LMBRD1: variants seen among roughly 807,000 people sequenced by gnomAD.
LMBRD1 encodes LMBR1 domain containing 1.
LMBRD1 carries 64 observed loss-of-function variants against 74.8 expected under a neutral mutation model. The observed-to-expected ratio is 0.86, with a 90% CI of 0.70 to 1.05. LMBRD1 has a LOEUF of 1.05. LMBRD1 is among the 50% of genes least tolerant of loss of function. The probability of loss-of-function intolerance (pLI) is 0.00; values close to 1 mark genes in which losing one functional copy is unlikely to be tolerated. For missense variants in LMBRD1, 652 were observed against 645.9 expected (o/e 1.01, Z -0.10); for synonymous variants, 204 against 216.3 (o/e 0.94, Z 0.50).
chr6:69,771,233 T>C (rs556030286), intron 3 of LMBRD1, among the ~76,000 whole-genome samples: 18 of 152,324 alleles, frequency 1.2e-4, no homozygotes, highest in Admixed American at 9.8e-4. Context: ...ATCCCAAGGC[T>C]TGACTGGGGA....
intron 3 of LMBRD1, among the ~76,000 whole-genome samples, chr6:69,753,331 T>C (rs1360434510): frequency 6.6e-6 from 1 of 152,198 alleles, no homozygotes; most frequent in African/African-American, 2.4e-5. Flanking sequence ...TATAATTATA[T>C]AAAGCAATTA....
At chr6:69,693,508 T>C (rs916702490) in intron 14 of LMBRD1, among the ~76,000 whole-genome samples, 1 of 152,060 alleles carries the variant, frequency 6.6e-6, no homozygotes, top group African/African-American at 2.4e-5. Context: ...GAGATTAACT[T>C]TTCTCAGAAA....
intron 14 of LMBRD1, among the ~76,000 whole-genome samples, chr6:69,689,822 A>C (rs953018349): frequency 2.0e-5 from 3 of 152,102 alleles, no homozygotes; most frequent in African/African-American, 7.2e-5. Flanking sequence ...TGAATTGTTA[A>C]AATTAAATCT....
At chr6:69,740,945 C>G (rs979550398) in intron 6 of LMBRD1, among the ~76,000 whole-genome samples, 9 of 151,832 alleles carry the variant, frequency 5.9e-5, no homozygotes, top group African/African-American at 2.2e-4. Context: ...AAACCTAGGT[C>G]ACACAGAGTA....
At chr6:69,724,907 A>T (rs1044218939) in intron 7 of LMBRD1, among the ~76,000 whole-genome samples, 1 of 152,074 alleles carries the variant, frequency 6.6e-6, no homozygotes, top group Non-Finnish European at 1.5e-5. Context: ...ATAAACTGGA[A>T]AGGAAAAAGT....
intron 14 of LMBRD1, among the ~76,000 whole-genome samples, chr6:69,683,392 T>A (rs572073223): frequency 6.6e-6 from 1 of 152,218 alleles, no homozygotes; most frequent in East Asian, 1.9e-4. Context: ...GTTTATTTAA[T>A]AGTTAAACTT....
At chr6:69,751,571 G>C (rs1283510156) in intron 4 of LMBRD1, among the ~76,000 whole-genome samples, 1 of 152,054 alleles carries the variant, frequency 6.6e-6, no homozygotes, top group African/African-American at 2.4e-5. Context: ...CAGGTGATCC[G>C]CCCGCCTCGG....
chr6:69,782,101 A>T (rs1301095801), intron 2 of LMBRD1, among the ~76,000 whole-genome samples: 1 of 152,196 alleles, frequency 6.6e-6, no homozygotes, highest in Non-Finnish European at 1.5e-5. Flanking sequence ...TCTGCTACAC[A>T]GTAAGATAGT....
intron 14 of LMBRD1, among the ~76,000 whole-genome samples, chr6:69,689,154 C>T (rs759835971): frequency 7.9e-5 from 12 of 151,830 alleles, no homozygotes; most frequent in African/African-American, 1.7e-4. Flanking sequence ...TAAATGGAGG[C>T]GAGAAGGAAA....
chr6:69,769,880 C>T (rs9342773), intron 3 of LMBRD1, among the ~76,000 whole-genome samples: 51,308 of 151,940 alleles, frequency 0.34, 9,732 homozygotes, highest in East Asian at 0.54. Context: ...ATAAACTTTG[C>T]TCAAACAACT....
intron 2 of LMBRD1, among the ~76,000 whole-genome samples, chr6:69,782,169 T>C (rs1765845287): frequency 6.6e-6 from 1 of 152,218 alleles, no homozygotes; most frequent in African/African-American, 2.4e-5. Context: ...CAAATTAGGA[T>C]GGATATTAGT....
intron 5 of LMBRD1, among the ~76,000 whole-genome samples, chr6:69,742,653 C>G (rs1391242406): frequency 6.6e-6 from 1 of 152,088 alleles, no homozygotes; most frequent in African/African-American, 2.4e-5. Context: ...TCTAATACCA[C>G]GTCCTTCCCA....
At chr6:69,782,329 C>A (rs1008125258) in intron 2 of LMBRD1, among the ~76,000 whole-genome samples, 14 of 152,174 alleles carry the variant, frequency 9.2e-5, no homozygotes, top group South Asian at 2.1e-4. Context: ...ACTAAGAGAC[C>A]CAAAGTCTCC....
intron 9 of LMBRD1, chr6:69,705,297 T>A (rs1766227985): frequency 6.7e-6 from 5 of 744,308 alleles, no homozygotes; most frequent in Admixed American, 1.7e-5. Flanking sequence ...TTAAAGAGAC[T>A]TCCTCAACTG....
At chr6:69,701,822 A>G in intron 10 of LMBRD1, 67 bp downstream of exon 10, 2 of 1,116,304 alleles carry the variant, frequency 1.8e-6, no homozygotes, top group Non-Finnish European at 1.4e-6. Flanking sequence ...AATGGCATTC[A>G]GCAACAAAAT....
At chr6:69,722,049 C>G (rs1205450062) in intron 7 of LMBRD1, among the ~76,000 whole-genome samples, 1 of 152,164 alleles carries the variant, frequency 6.6e-6, no homozygotes, top group Non-Finnish European at 1.5e-5. Context: ...CACAGATCAT[C>G]AGGTAAACTG....
intron 7 of LMBRD1, among the ~76,000 whole-genome samples, chr6:69,733,591 C>T (rs1022720209): frequency 4.6e-5 from 7 of 152,270 alleles, no homozygotes; most frequent in African/African-American, 1.7e-4. Context: ...TGATGCCCCT[C>T]TTGAACAGGG....
intron 7 of LMBRD1, among the ~76,000 whole-genome samples, chr6:69,725,200 T>C (rs990549789): frequency 1.3e-5 from 2 of 151,904 alleles, no homozygotes; most frequent in African/African-American, 4.8e-5. Context: ...AAAATACTGA[T>C]GAATGAGGAA....
rs117945946 is a variant in LMBRD1 at position 69,771,665 on chromosome 6, A to G, written c.307+8829T>C. On this transcript the variant is annotated intron_variant, in intron 3 of 15. Transcript: ENST00000649934. Reference sequence around the variant, plus strand: ...GGTGGGGAAGAATGTCAGATCACATAAGGCCCTGCAGGCTTCAGTAATGAC... The same window carrying G: ...GGTGGGGAAGAATGTCAGATCACATGAGGCCCTGCAGGCTTCAGTAATGAC... Among the ~76,000 whole-genome samples, 397 of 150,940 alleles carry G rather than the reference A, an allele frequency of 2.6e-3. 1 individual carries two copies. Among genetic ancestry groups the G allele is most frequent in the Non-Finnish European group, 4.4e-3 (302 of 68,016 alleles).
Sources: gnomAD v4.1 joint callset for allele counts (sites outside exome capture counted in the v4.1 genomes callset) on GRCh38, gnomAD v4.1.1 for gene constraint, MANE v1.5 for transcripts, NCBI Gene and HGNC (gene_info 2026-07-23, HGNC 2026-07-21) for gene names.